Variants in FHAD1 observed in about 807,000 individuals in gnomAD.
FHAD1 encodes forkhead-associated domain-containing protein 1.
In FHAD1, 146 loss-of-function variants were observed where a neutral mutation model predicts 191.3. The observed-to-expected ratio is 0.76, with a 90% confidence interval of 0.67 to 0.88. The LOEUF is 0.88. Ranked by LOEUF, FHAD1 falls within the 40% of genes least tolerant of loss-of-function variation. The pLI, the probability that FHAD1 is intolerant of heterozygous loss-of-function variation, is 0.00. For missense variants in FHAD1, 1,635 were observed against 1,785.8 expected, an observed-to-expected ratio of 0.92 and a Z score of 1.52; for synonymous variants, 616 against 672.3, an observed-to-expected ratio of 0.92 and a Z score of 1.29.
intron 6 of FHAD1, among the ~76,000 whole-genome samples, chr1:15,306,689 A>C (rs932561891): frequency 2.0e-5 from 3 of 152,254 alleles, no homozygotes; most frequent in Non-Finnish European, 4.4e-5. Context: ...GGAAGCCCCA[A>C]GCTTTTGCAG....
intron 10 of FHAD1, among the ~76,000 whole-genome samples, chr1:15,319,310 T>C (rs1350712534): frequency 2.6e-5 from 4 of 152,242 alleles, no homozygotes; most frequent in Non-Finnish European, 4.4e-5. Flanking sequence ...CTGAAATGTA[T>C]ACTACACAAG....
rs570569622 is a variant in FHAD1, at chr1:15,389,447, C to CAAAAAAAAAAAAA, written c.4269+1325_4269+1337dup. Among the ~76,000 whole-genome samples, 93 of 54,210 alleles carry CAAAAAAAAAAAAA rather than the reference C, an allele frequency of 1.7e-3. 4 individuals are homozygous for CAAAAAAAAAAAAA. Among genetic ancestry groups the CAAAAAAAAAAAAA allele is most frequent in the African/African-American group, 1.9e-3 (24 of 12,906 alleles). The allele number at this position is 54,210 out of a possible 152,430, so 35.6% of individuals were successfully genotyped here. A position where few individuals can be genotyped will look rare whatever the true frequency, so the allele number is the denominator to read the frequency against. On this transcript the variant is annotated intron_variant, in intron 32 of 33. Coordinates refer to ENST00000688493, the MANE Select transcript of FHAD1 (RefSeq NM_001391957.1). ...TGAGCAACAGAGGAAGAACCTGTCT[C>CAAAAAAAAAAAAA]AAAAAAAAAAAAAAAAAAAAACCTG... is the stretch of plus-strand genomic sequence containing the variant.
intron 26 of FHAD1, among the ~76,000 whole-genome samples, chr1:15,370,796 G>A (rs1323315715): frequency 6.6e-6 from 1 of 152,160 alleles, no homozygotes; most frequent in African/African-American, 2.4e-5. Flanking sequence ...CTGGAGCCTG[G>A]GGCTATTCTT....
chr1:15,362,098 G>C (rs1351893382), intron 22 of FHAD1, among the ~76,000 whole-genome samples: 1 of 151,756 alleles, frequency 6.6e-6, no homozygotes, highest in Non-Finnish European at 1.5e-5. Context: ...GGGACCTGAA[G>C]GGTGACTGCA....
intron 3 of FHAD1, among the ~76,000 whole-genome samples, chr1:15,288,963 TG>T (rs1558011019): frequency 6.6e-6 from 1 of 152,130 alleles, no homozygotes; most frequent in South Asian, 2.1e-4. Context: ...GAAGGCTTCC[TG>T]GGGGAAGTGA....
At position 15,331,321 on chromosome 1, in the gene FHAD1, A is replaced by G. The variant is rs530208230; in HGVS notation, c.1906+1780A>G. ...GTGCCACACAGCGGGGGCCTAATAC[A>G]TATCTGTGGGTTGGAGGGATGGATG... On this transcript the variant is annotated intron_variant, in intron 14 of 33. Transcript: ENST00000688493. Among the ~76,000 whole-genome samples, 5 of 151,950 alleles carry G rather than the reference A, an allele frequency of 3.3e-5. 1 individual carries two copies. The East Asian group carries it at 9.7e-4, about 29-fold the overall frequency.
At chr1:15,295,934 G>A (rs940604595) in intron 4 of FHAD1, among the ~76,000 whole-genome samples, 4 of 152,252 alleles carry the variant, frequency 2.6e-5, no homozygotes, top group African/African-American at 4.8e-5. Flanking sequence ...CCCCAGGGCT[G>A]TAGTTTGCCA....
Position 15,365,856 on chromosome 1 carries a change from T to A in FHAD1, c.3077T>A (p.Ile1026Asn), listed in dbSNP as rs1343001527. 3.9e-6 allele frequency: 6 copies of A among 1,551,498 alleles called. No homozygotes were observed. The highest frequency in any genetic ancestry group is 1.4e-5 in the African/African-American group (1 of 73,090). Residue 1026 changes from isoleucine (I) to asparagine (N), a missense_variant, in exon 24 of 34, where the codon ATT becomes AAT. Physicochemically the swap from Ile to Asn is moderately radical, Grantham distance 149 (BLOSUM62 -3). Transcript: ENST00000688493. Reference protein sequence around the residue: ...IDDLLAAQKEILSQQEVIMKL... With the variant: ...IDDLLAAQKENLSQQEVIMKL... Reference sequence around the variant, plus strand: ...GACTTATTGGCTGCTCAGAAGGAAATTCTGTCTCAGCAGGAAGTCATCATG... The same window carrying A: ...GACTTATTGGCTGCTCAGAAGGAAAATCTGTCTCAGCAGGAAGTCATCATG...
intron 2 of FHAD1, among the ~76,000 whole-genome samples, chr1:15,269,416 C>T (rs963038566): frequency 1.4e-4 from 21 of 152,170 alleles, no homozygotes; most frequent in Admixed American, 9.8e-4. Flanking sequence ...CTTCCTTCAC[C>T]GTGTGTTATT....
rs112268175 is a variant in FHAD1 at position 15,345,545 on chromosome 1, C to T, written c.2346+22C>T. 88 of 1,538,674 alleles carry T rather than the reference C, an allele frequency of 5.7e-5. 1 individual carries two copies. The East Asian group carries it at 6.6e-4, about 12-fold the overall frequency. Reference sequence around the variant, plus strand: ...GGAGGTACGCTCGGGGAGATAGAGTCGGCTGAGCCCCAGTCGGCTTGAGGG... The same window carrying T: ...GGAGGTACGCTCGGGGAGATAGAGTTGGCTGAGCCCCAGTCGGCTTGAGGG... On this transcript the variant is annotated intron_variant, in intron 18 of 33. Coordinates refer to ENST00000688493, the MANE Select transcript of FHAD1 (RefSeq NM_001391957.1).
chr1:15,248,190 G>A (rs1646332975), intron 1 of FHAD1, among the ~76,000 whole-genome samples: 1 of 151,940 alleles, frequency 6.6e-6, no homozygotes, highest in African/African-American at 2.4e-5. Context: ...ATGATTTACT[G>A]AGCACCACTA....
At chr1:15,273,271 T>A (rs1656906484) in intron 3 of FHAD1, among the ~76,000 whole-genome samples, 1 of 152,206 alleles carries the variant, frequency 6.6e-6, no homozygotes, top group Non-Finnish European at 1.5e-5. Context: ...AAAAGGGGCA[T>A]TGTTTAATAA....
At chr1:15,291,890 G>A (rs1664892163) in intron 4 of FHAD1, among the ~76,000 whole-genome samples, 1 of 152,168 alleles carries the variant, frequency 6.6e-6, no homozygotes, top group Non-Finnish European at 1.5e-5. Context: ...GGCTGCTTGA[G>A]TCTCCTCATG....
At chr1:15,245,321 AT>A (rs1221295964), upstream of FHAD1, among the ~76,000 whole-genome samples, 2 of 151,622 alleles carry the variant, frequency 1.3e-5, no homozygotes, top group Admixed American at 6.6e-5. Context: ...TGTTGTTCTT[AT>A]TTTTATTTGC....
At chr1:15,272,189 G>A in intron 2 of FHAD1, 134 bp from the exon 3 acceptor site, 1 of 802,428 alleles carries the variant, frequency 1.2e-6, no homozygotes, top group Non-Finnish European at 2.0e-6. Context: ...CTGATCCTCA[G>A]CCTCCTCCTT....
Position 15,316,441 on chromosome 1 carries a change from GAGA to G in FHAD1, c.1236_1238del (p.Lys413del), listed in dbSNP as rs1674489626. The G allele has an allele frequency of 3.2e-6, 5 of 1,551,674 alleles. No individual in the cohort carries two copies. The East Asian group carries it at 1.2e-4, about 38-fold the overall frequency. ...TCACAGGGAGCTCAGGGAAGCCCAGGAGAAAGAGTTAAAACTCTGCAAAACCGT... is the reference window on the plus strand; with the variant it reads ...TCACAGGGAGCTCAGGGAAGCCCAGGAAGAGTTAAAACTCTGCAAAACCGT... On this transcript the variant is annotated inframe_deletion, in exon 9 of 34. Transcript: ENST00000688493. This position sits in a 1 kb window ranked among gnomAD's most constrained non-coding sequence, Gnocchi z 4.3.
At chr1:15,355,810 A>G (rs1303275799) in intron 20 of FHAD1, among the ~76,000 whole-genome samples, 1 of 152,182 alleles carries the variant, frequency 6.6e-6, no homozygotes, top group Non-Finnish European at 1.5e-5. Context: ...TACACAGAGG[A>G]TGCAGCAACT....
intron 31 of FHAD1, 131 bp from the exon 32 acceptor site, chr1:15,387,920 C>G: frequency 2.5e-6 from 1 of 403,302 alleles, no homozygotes; most frequent in Admixed American, 3.0e-5. Context: ...GCAGTGATCC[C>G]TTATCTTCTG....
At chr1:15,353,047 G>A in intron 20 of FHAD1, 63 bp downstream of exon 20, 2 of 1,261,632 alleles carry the variant, frequency 1.6e-6, no homozygotes, top group East Asian at 2.5e-5. Flanking sequence ...GTGCTCTAGA[G>A]CCAGGCTCTG....
Sources: allele counts gnomAD v4.1 joint callset (sites outside exome capture counted in the v4.1 genomes callset), GRCh38; gene constraint gnomAD v4.1.1; non-coding constraint Gnocchi (gnomAD v3.1); transcripts MANE v1.5; gene names NCBI Gene and HGNC (gene_info 2026-07-23, HGNC 2026-07-21).